Variants in NCSTN observed in about 807,000 individuals in gnomAD.
NCSTN encodes anterior pharynx-defective 2.
Under a neutral mutation model 87.0 loss-of-function variants are expected in NCSTN, and 22 were observed. The ratio of observed to expected loss-of-function variants is 0.25; its 90% CI spans 0.18 to 0.36. The LOEUF (loss-of-function observed/expected upper bound fraction) is 0.36, where lower values mean the gene tolerates loss of function less well. NCSTN is among the 10% of genes least tolerant of loss of function. The pLI is 1.00. For synonymous variants in NCSTN, 306 were observed against 327.1 expected (o/e 0.94, Z 0.69); for missense variants, 693 against 883.3 (o/e 0.78, Z 2.73).
At chr1:160,344,875 C>T in intron 2 of NCSTN, 49 bp downstream of exon 2, 1 of 1,467,760 alleles carries the variant, frequency 6.8e-7, no homozygotes, top group Non-Finnish European at 9.5e-7. Context: ...TTGTCTGTGC[C>T]CTAGATACTA....
At chr1:160,348,483 A>C (rs17370227) in intron 2 of NCSTN, among the ~76,000 whole-genome samples, 5,951 of 152,328 alleles carry the variant, frequency 0.039, 163 homozygotes, top group Non-Finnish European at 0.055. Context: ...CTGTTTTAGA[A>C]ACCTCAGAGT....
chr1:160,352,822 G>T, intron 8 of NCSTN, 65 bp from the exon 9 acceptor site: 2 of 1,274,426 alleles, frequency 1.6e-6, no homozygotes, highest in South Asian at 2.4e-5. Flanking sequence ...TGATCTGGCC[G>T]CCTTCGAGGC....
chr1:160,348,295 G>A lies in NCSTN; in HGVS notation c.191-704G>A, dbSNP rs139860664. ...TCATGTCATGAGACACATAGAAAAT[G>A]TTATTTGTATAGCATCCTGGCACAT... On this transcript the variant is annotated intron_variant, in intron 2 of 16. Transcript: ENST00000294785. Among the ~76,000 whole-genome samples, 5 of 152,294 alleles carry A rather than the reference G, an allele frequency of 3.3e-5. No homozygotes were observed. The East Asian group carries it at 9.6e-4, about 29-fold the overall frequency.
intron 2 of NCSTN, among the ~76,000 whole-genome samples, chr1:160,348,398 C>T (rs71628174): frequency 6.6e-6 from 1 of 152,140 alleles, no homozygotes; most frequent in Non-Finnish European, 1.5e-5. Flanking sequence ...CTTTGGAAAC[C>T]CTAGGTTTCC....
chr1:160,354,078 C>T (rs375505445), intron 10 of NCSTN, 40 bp from the exon 11 acceptor site: 3 of 1,598,572 alleles, frequency 1.9e-6, no homozygotes, highest in South Asian at 1.1e-5. Flanking sequence ...GCTTCCCATC[C>T]CCCAGCCTCC....
At chr1:160,350,022 G>C in intron 4 of NCSTN, 83 bp from the exon 5 acceptor site, 1 of 1,523,510 alleles carries the variant, frequency 6.6e-7, no homozygotes, top group Non-Finnish European at 9.1e-7. Context: ...AGTCCCAACT[G>C]AAAGATTCTT....
intron 14 of NCSTN, 78 bp downstream of exon 14, chr1:160,356,425 A>AT (rs71090308): frequency 2.9e-5 from 43 of 1,459,798 alleles, no homozygotes; most frequent in Non-Finnish European, 3.7e-5. Flanking sequence ...AACCTTTATT[A>AT]TTTTTTTTCT....
rs80332857 is a variant in NCSTN at position 160,347,574 on chromosome 1, T to C, written c.191-1425T>C. 1.7e-3 allele frequency among the ~76,000 whole-genome samples: 262 copies of C among 152,248 alleles called. 1 individual carries two copies. The highest frequency in any genetic ancestry group is 2.1e-3 in the Non-Finnish European group (146 of 68,028). ...CCAGGTTTTTTTCAGTCCAGTATCA[T>C]AGTTTGTCTTCCTGTCCTCGCTGGA... On this transcript the variant is annotated intron_variant, in intron 2 of 16. Transcript: ENST00000294785.
chr1:160,356,382 G>A (rs190732913), intron 14 of NCSTN, 35 bp downstream of exon 14: 1 of 1,534,400 alleles, frequency 6.5e-7, no homozygotes, highest in African/African-American at 1.4e-5. Context: ...ACCCTTAGCT[G>A]AGGAAAGGGA....
Position 160,344,816 on chromosome 1 carries a change from T to C in NCSTN, c.180T>C (p.Ile60=). The C allele has an allele frequency of 6.2e-7, 1 of 1,613,536 alleles. No homozygotes were observed. The highest frequency in any genetic ancestry group is 1.1e-5 in the South Asian group (1 of 91,032). Residue 60 remains isoleucine, a synonymous_variant, in exon 2 of 17, where the codon ATT becomes ATC. Transcript: ENST00000294785. The part of the protein sequence containing the change: ...CVRLLNATHQ[I]GCQSSISGDT... Reference sequence around the variant, plus strand: ...GCCTGCTCAACGCCACTCATCAGATTGGCTGCCAGTGTGAGTTGAGATGGA... The same window carrying C: ...GCCTGCTCAACGCCACTCATCAGATCGGCTGCCAGTGTGAGTTGAGATGGA...
At position 160,351,766 on chromosome 1, in the gene NCSTN, A is replaced by G; in HGVS notation, c.804A>G (p.Thr268=). 1 of 1,613,530 alleles carries G rather than the reference A, an allele frequency of 6.2e-7. No homozygotes were observed. The change falls in exon 7 of 17, where the codon ACA becomes ACG. Residue 268 remains threonine (T), a synonymous_variant. Transcript: ENST00000294785. ...SMLKPINTTG[T]LKPDDRVVVA... ...TAAAGCCTATAAATACAACTGGGAC[A>G]TTAAAGCCTGACGACAGGGTTGTGG...
At position 160,353,493 on chromosome 1, in the gene NCSTN, T is replaced by G. The variant is rs1571208053; in HGVS notation, c.1179+256T>G. 5 of 1,374,064 alleles carry G rather than the reference T, an allele frequency of 3.6e-6. No individual in the cohort carries two copies. The East Asian group carries it at 1.5e-4, about 41-fold the overall frequency. 85.1% of individuals were successfully genotyped at this position (1,374,064 alleles called of 1,614,324 possible). ...TGCCTAGCAGACTACCACTGCCCAT[T>G]AAGGATAGGTGAGTGACTAGCTCCC... On this transcript the variant is annotated intron_variant, in intron 10 of 16. Transcript: ENST00000294785.
At chr1:160,350,380 AG>A in intron 5 of NCSTN, 130 bp downstream of exon 5, 1 of 996,648 alleles carries the variant, frequency 1.0e-6, no homozygotes. Context: ...TGAGGCCGGG[AG>A]GCAGAGGTTT....
In NCSTN at chr1:160,344,595, C is replaced by G. The variant is rs142623098; in HGVS notation, c.86-127C>G. 7.2e-4 allele frequency: 1,119 copies of G among 1,553,380 alleles called. 8 individuals carry two copies. In the African/African-American group the frequency reaches 0.013, roughly 19 times the overall value. On this transcript the variant is annotated intron_variant, in intron 1 of 16. Coordinates refer to ENST00000294785, the MANE Select transcript of NCSTN (RefSeq NM_015331.3). Reference sequence around the variant, plus strand: ...GTGCCCAAGAAATCAGAAGAATGGACTTTAATCTCATTTTAGAAAGTATGA... The same window carrying G: ...GTGCCCAAGAAATCAGAAGAATGGAGTTTAATCTCATTTTAGAAAGTATGA...
In NCSTN at chr1:160,354,144, G is replaced by A. The variant is rs1477861925; in HGVS notation, c.1206G>A (p.Glu402=). 3 of 1,614,152 alleles carry A rather than the reference G, an allele frequency of 1.9e-6. No homozygotes were observed. Among genetic ancestry groups the A allele is most frequent in the Non-Finnish European group, 2.5e-6 (3 of 1,180,024 alleles). ...NQVEDLLATL[E]KSGAGVPAVI... is the part of the protein sequence containing the mutation. ...TGGAGGATCTCCTGGCCACATTGGAGAAGAGTGGTGCTGGTGTCCCTGCTG... is the reference window on the plus strand; with the variant it reads ...TGGAGGATCTCCTGGCCACATTGGAAAAGAGTGGTGCTGGTGTCCCTGCTG... Residue 402 remains glutamate (E), a synonymous_variant, in exon 11 of 17, where the codon GAG becomes GAA. Transcript: ENST00000294785.
intron 2 of NCSTN, chr1:160,345,237 G>C: frequency 3.4e-6 from 1 of 291,372 alleles, no homozygotes; most frequent in Non-Finnish European, 6.7e-6. Flanking sequence ...TTGTCCCCCA[G>C]GCTGGAGTGC....
intron 11 of NCSTN, among the ~76,000 whole-genome samples, chr1:160,354,922 T>C (rs1649054029): frequency 6.6e-6 from 1 of 152,236 alleles, no homozygotes; most frequent in South Asian, 2.1e-4. Flanking sequence ...GTGAAAATGC[T>C]TGAGCTCTAT....
intron 2 of NCSTN, 33 bp downstream of exon 2, chr1:160,344,859 T>C (rs755786802): frequency 6.4e-7 from 1 of 1,556,384 alleles, no homozygotes; most frequent in African/African-American, 1.4e-5. Flanking sequence ...TTGTGGACAT[T>C]GATATTTGTC....
chr1:160,356,276 A>G lies in NCSTN; in HGVS notation c.1568A>G (p.Tyr523Cys), dbSNP rs202209583. 2.6e-5 allele frequency: 42 copies of G among 1,612,908 alleles called. No homozygotes were observed. Among genetic ancestry groups the G allele is most frequent in the Admixed American group, 8.3e-5 (5 of 60,000 alleles). Residue 523 changes from tyrosine (Y) to cysteine (C), a missense_variant, in exon 14 of 17, where the codon TAT (tyrosine) becomes TGT (cysteine). Physicochemically the swap from Tyr to Cys is radical, Grantham distance 194. This residue lies in a region of NCSTN where 216 missense variants were observed against 311.7 expected (regional missense o/e 0.69). Transcript: ENST00000294785. Reference sequence around the variant, plus strand: ...CAATCCTAGGTTACCCGCCTGCTCTATGGGTTCCTGATTAAAGCCAACAAC... The same window carrying G: ...CAATCCTAGGTTACCCGCCTGCTCTGTGGGTTCCTGATTAAAGCCAACAAC... ...ADPQTVTRLL[Y>C]GFLIKANNSW...
Sources: gnomAD v4.1 joint callset for allele counts (sites outside exome capture counted in the v4.1 genomes callset) on GRCh38, gnomAD v4.1.1 for gene constraint, gnomAD v4.1.1 regional missense constraint, MANE v1.5 for transcripts, NCBI Gene and HGNC (gene_info 2026-07-23, HGNC 2026-07-21) for gene names.